Variants in PLEKHG1 observed in about 807,000 individuals in gnomAD.
The protein encoded by PLEKHG1 is pleckstrin homology and RhoGEF domain containing G1, also known as pleckstrin homology domain-containing family G member 1.
PLEKHG1 carries 44 observed loss-of-function variants against 100.8 expected under a neutral mutation model. That is an observed-to-expected ratio of 0.44 (90% CI 0.34 to 0.56). PLEKHG1 has a LOEUF of 0.56. Among genes scored for constraint, PLEKHG1 ranks in the 20% least tolerant of loss-of-function variants. The pLI, the probability that PLEKHG1 is intolerant of heterozygous loss-of-function variation, is 0.01. For synonymous variants in PLEKHG1, 640 were observed against 662.5 expected, an observed-to-expected ratio of 0.97 and a Z score of 0.52; for missense variants, 1,545 against 1,720.9, an observed-to-expected ratio of 0.90 and a Z score of 1.81.
intron 7 of PLEKHG1, among the ~76,000 whole-genome samples, chr6:150,808,600 A>T (rs1344536634): frequency 6.6e-6 from 1 of 152,080 alleles, no homozygotes; most frequent in African/African-American, 2.4e-5. Context: ...AAATGCAAAA[A>T]AATTTAGCCA....
intron 3 of PLEKHG1, among the ~76,000 whole-genome samples, chr6:150,703,343 G>A (rs6941185): frequency 0.042 from 6,459 of 152,266 alleles, 443 homozygotes; most frequent in African/African-American, 0.15. Flanking sequence ...ATGGTGGCCT[G>A]TAATCCCAGC....
intron 1 of PLEKHG1, among the ~76,000 whole-genome samples, chr6:150,637,424 C>T (rs1021490742): frequency 2.0e-5 from 3 of 151,228 alleles, no homozygotes; most frequent in African/African-American, 7.3e-5. Flanking sequence ...TCATGTCATC[C>T]TCTTCCTTAG....
chr6:150,823,290 C>T (rs1776407930), intron 13 of PLEKHG1, among the ~76,000 whole-genome samples: 2 of 152,330 alleles, frequency 1.3e-5, no homozygotes, highest in South Asian at 4.1e-4. Flanking sequence ...AAAAAATCAG[C>T]AGAAACAATA....
At chr6:150,777,742 A>T (rs1785070001) in intron 3 of PLEKHG1, among the ~76,000 whole-genome samples, 1 of 127,232 alleles carries the variant, frequency 7.9e-6, no homozygotes, top group Non-Finnish European at 1.5e-5. Flanking sequence ...ATCCTGGTGC[A>T]CGTGTGGTTG....
chr6:150,686,845 A>G (rs1001488250), intron 3 of PLEKHG1: 9 of 152,706 alleles, frequency 5.9e-5, no homozygotes, highest in Non-Finnish European at 8.8e-5. Context: ...CCCACCCACC[A>G]AGGCAGGACC....
At chr6:150,666,926 A>G (rs1219552741) in intron 3 of PLEKHG1, among the ~76,000 whole-genome samples, 2 of 152,014 alleles carry the variant, frequency 1.3e-5, no homozygotes, top group Non-Finnish European at 2.9e-5. Context: ...ACACCCGGCT[A>G]ATTTTTTTAT....
intron 3 of PLEKHG1, among the ~76,000 whole-genome samples, chr6:150,775,268 C>T (rs539597746): frequency 3.2e-4 from 49 of 152,166 alleles, no homozygotes; most frequent in Non-Finnish European, 5.9e-4. Flanking sequence ...GTACCCCTCT[C>T]TTGGAATACA....
chr6:150,663,658 A>G (rs1221580938), intron 3 of PLEKHG1: 1 of 149,982 alleles, frequency 6.7e-6, no homozygotes, highest in Non-Finnish European at 1.5e-5. Flanking sequence ...GGTTCGAATG[A>G]TTCTTCTGCC....
chr6:150,682,833 C>T (rs1779981456), intron 3 of PLEKHG1, among the ~76,000 whole-genome samples: 1 of 152,126 alleles, frequency 6.6e-6, no homozygotes, highest in African/African-American at 2.4e-5. Context: ...CTGAGTCCTG[C>T]CCCCAAGAGA....
At chr6:150,823,339 A>G (rs1776411675) in intron 13 of PLEKHG1, among the ~76,000 whole-genome samples, 1 of 152,210 alleles carries the variant, frequency 6.6e-6, no homozygotes, top group South Asian at 2.1e-4. Flanking sequence ...GGCATGTGCA[A>G]TTTCTTTTTC....
At chr6:150,806,223 C>CTTTTTTT (rs58040509) in intron 7 of PLEKHG1, among the ~76,000 whole-genome samples, 6 of 89,764 alleles carry the variant, frequency 6.7e-5, no homozygotes, top group Non-Finnish European at 8.6e-5. Flanking sequence ...TTCCAGGCTG[C>CTTTTTTT]TTTTTTTTTT....
chr6:150,620,987 A>G (rs1031853484), intron 1 of PLEKHG1, among the ~76,000 whole-genome samples: 11 of 152,184 alleles, frequency 7.2e-5, no homozygotes, highest in African/African-American at 2.2e-4. Flanking sequence ...CTCTGACAAC[A>G]AGGGAAAACC....
In PLEKHG1 at chr6:150,701,417, TTATATATATATATATATATATATATATA is replaced by T. The variant is rs56982419; in HGVS notation, c.-98-32144_-98-32117del. 5.4e-3 allele frequency among the ~76,000 whole-genome samples: 168 copies of T among 31,162 alleles called. 4 individuals are homozygous for T. The highest frequency in any genetic ancestry group is 0.027 in the South Asian group (22 of 812). The allele number at this position is 31,162 out of a possible 152,430, so 20.4% of individuals were successfully genotyped here. A position where few individuals can be genotyped will look rare whatever the true frequency, so the allele number is the denominator to read the frequency against. On this transcript the variant is annotated intron_variant, in intron 3 of 3. Coordinates refer to the PLEKHG1 transcript ENST00000367326. ...TTTGTAAAGAATAAGCAGTAATTCTTTATATATATATATATATATATATATATATATATATATATATATATATATAATT... is the reference window on the plus strand; with the variant it reads ...TTTGTAAAGAATAAGCAGTAATTCTTTATATATATATATATATATATAATT...
chr6:150,786,536 C>A (rs1275991980), intron 4 of PLEKHG1, 77 bp downstream of exon 5: 3 of 958,182 alleles, frequency 3.1e-6, no homozygotes, highest in African/African-American at 3.3e-5. Context: ...GTTAAAATGA[C>A]TGGTTTGTTT....
intron 4 of PLEKHG1, among the ~76,000 whole-genome samples, chr6:150,787,030 CAAAAAAAAA>C (rs555809522): frequency 1.7e-5 from 1 of 58,026 alleles, no homozygotes; most frequent in Non-Finnish European, 4.1e-5. Context: ...GACTCTGTCT[CAAAAAAAAA>C]AAAAAAAAAA....
chr6:150,714,227 G>A (rs1026954367), intron 3 of PLEKHG1, among the ~76,000 whole-genome samples: 1 of 152,192 alleles, frequency 6.6e-6, no homozygotes, highest in African/African-American at 2.4e-5. Flanking sequence ...ATTATCGAAA[G>A]CAAGAGGCTT....
intron 3 of PLEKHG1, among the ~76,000 whole-genome samples, chr6:150,706,624 AAATC>A (rs1257755130): frequency 6.6e-6 from 1 of 150,746 alleles, no homozygotes; most frequent in Admixed American, 6.6e-5. Context: ...AAAAAAAAAA[AAATC>A]AAAAACAAAA....
intron 1 of PLEKHG1, among the ~76,000 whole-genome samples, chr6:150,731,532 C>A (rs1028213928): frequency 1.3e-5 from 2 of 152,114 alleles, no homozygotes; most frequent in Non-Finnish European, 2.9e-5. Context: ...AATATTAGTA[C>A]CAACTGTTTA....
At chr6:150,755,178 G>C (rs1161929893) in intron 2 of PLEKHG1, among the ~76,000 whole-genome samples, 1 of 151,574 alleles carries the variant, frequency 6.6e-6, no homozygotes, top group African/African-American at 2.4e-5. Flanking sequence ...GTCTCACTTT[G>C]TTGCCCAGAC....
Sources: allele counts gnomAD v4.1 joint callset (sites outside exome capture counted in the v4.1 genomes callset), GRCh38; gene constraint gnomAD v4.1.1; transcripts MANE v1.5; gene names NCBI Gene and HGNC (gene_info 2026-07-23, HGNC 2026-07-21).